Variants in VPS8 observed in about 807,000 individuals in gnomAD.
The protein encoded by VPS8 is VPS8 subunit of CORVET complex, also known as vacuolar protein sorting-associated protein 8 homolog.
In VPS8, 129 loss-of-function variants were observed where a neutral mutation model predicts 216.4. That is an observed-to-expected ratio of 0.60 (90% CI 0.52 to 0.69). The LOEUF is 0.69. Among genes scored for constraint, VPS8 ranks in the 30% least tolerant of loss-of-function variants. The pLI is 0.00. For synonymous variants in VPS8, 571 were observed against 565.4 expected, an observed-to-expected ratio of 1.01 and a Z score of -0.14; for missense variants, 1,531 against 1,683.5, an observed-to-expected ratio of 0.91 and a Z score of 1.59.
intron 45 of VPS8, among the ~76,000 whole-genome samples, chr3:185,009,811 C>G (rs1195754159): frequency 2.0e-5 from 3 of 152,034 alleles, no homozygotes; most frequent in Admixed American, 2.0e-4. Flanking sequence ...CTCTCCGGGT[C>G]AAGGGGACAG....
rs55727843 is a variant in VPS8, at chr3:184,977,884, C to CTT, written c.3421-4667_3421-4666dup. On this transcript the variant is annotated intron_variant, in intron 40 of 47. Transcript: ENST00000625842. ...ATATTAGCCTGATGTTTTCTTTTTT[C>CTT]TTTTTTTTTTTTTTTTATTGTGTCT... Among the ~76,000 whole-genome samples, 479 of 131,264 alleles carry CTT rather than the reference C, an allele frequency of 3.6e-3. 5 individuals are homozygous for CTT. The highest frequency in any genetic ancestry group is 0.011 in the South Asian group (47 of 4,132). 86.1% of individuals were successfully genotyped at this position (131,264 alleles called of 152,430 possible). A position where few individuals can be genotyped will look rare whatever the true frequency, so the allele number is the denominator to read the frequency against.
In VPS8 at chr3:185,038,955, C is replaced by T. The variant is rs547669661; in HGVS notation, c.4057-9524C>T. Among the ~76,000 whole-genome samples, 26 of 152,302 alleles carry T rather than the reference C, an allele frequency of 1.7e-4. No homozygotes were observed. In the South Asian group the frequency reaches 5.2e-3, roughly 30 times the overall value. On this transcript the variant is annotated intron_variant, in intron 46 of 47. Coordinates refer to ENST00000625842, the MANE Select transcript of VPS8 (RefSeq NM_001009921.3). ...AGAGGCTTCCAGAAGAAGGGAACCCCCATTACCTCTTGACTGCGCTCAGCT... is the reference window on the plus strand; with the variant it reads ...AGAGGCTTCCAGAAGAAGGGAACCCTCATTACCTCTTGACTGCGCTCAGCT...
intron 3 of VPS8, among the ~76,000 whole-genome samples, chr3:184,828,100 G>T (rs1719190017): frequency 6.6e-6 from 1 of 152,072 alleles, no homozygotes; most frequent in Admixed American, 6.6e-5. Context: ...CCTTAAAGGA[G>T]ACTGGGAAGA....
intron 40 of VPS8, among the ~76,000 whole-genome samples, chr3:184,977,616 T>G (rs1374430079): frequency 6.6e-6 from 1 of 152,094 alleles, no homozygotes; most frequent in Non-Finnish European, 1.5e-5. Context: ...CCATCTTAAG[T>G]TGATCTTTGT....
intron 42 of VPS8, among the ~76,000 whole-genome samples, chr3:184,988,297 G>T (rs957799274): frequency 6.6e-6 from 1 of 152,038 alleles, no homozygotes; most frequent in Non-Finnish European, 1.5e-5. Flanking sequence ...TTGTATTTTT[G>T]CATTTTACAC....
In VPS8 at chr3:185,052,231, C is replaced by T. The variant is rs1714409433; in HGVS notation, c.*206C>T. Reference sequence around the variant, plus strand: ...CCACATTGCTGTCATGGCGTCAGTTCACCAGACTCATTGATTTTGTTTTGC... The same window carrying T: ...CCACATTGCTGTCATGGCGTCAGTTTACCAGACTCATTGATTTTGTTTTGC... On this transcript the variant is annotated 3_prime_UTR_variant, in exon 48 of 48. Coordinates refer to ENST00000625842, the MANE Select transcript of VPS8 (RefSeq NM_001009921.3). 2.1e-6 allele frequency: 1 copy of T among 486,198 alleles called. No homozygotes were observed. The allele number at this position is 486,198 out of a possible 1,614,324, so 30.1% of individuals were successfully genotyped here. A position where few individuals can be genotyped will look rare whatever the true frequency, so the allele number is the denominator to read the frequency against.
At chr3:185,034,796 A>G (rs1016083623) in intron 46 of VPS8, among the ~76,000 whole-genome samples, 6 of 152,124 alleles carry the variant, frequency 3.9e-5, no homozygotes, top group Admixed American at 2.0e-4. Flanking sequence ...CCAAGGGTCA[A>G]TGAATGAAAC....
At chr3:184,915,262 G>T (rs1005805054) in intron 27 of VPS8, 93 bp from the exon 28 acceptor site, 5 of 1,476,998 alleles carry the variant, frequency 3.4e-6, no homozygotes, top group Admixed American at 4.6e-5. Context: ...ACTGAATTCA[G>T]CCTGCCTTTA....
chr3:184,980,604 A>G (rs527333628), intron 40 of VPS8, among the ~76,000 whole-genome samples: 2 of 151,752 alleles, frequency 1.3e-5, no homozygotes, highest in South Asian at 4.2e-4. Context: ...AGCTTGATCT[A>G]CTCTGCTGTT....
At position 184,909,918 on chromosome 3, in the gene VPS8, G is replaced by A. The variant is rs148974228; in HGVS notation, c.2147-3601G>A. On this transcript the variant is annotated intron_variant, in intron 25 of 47. Transcript: ENST00000625842. ...CAGGTATTTTTCACCACTGAGTATC[G>A]TCTTCCATTGTTTTATCAGATAATT... Among the ~76,000 whole-genome samples the A allele has an allele frequency of 6.3e-4, 95 of 151,910 alleles. 1 individual carries two copies. The East Asian group carries it at 0.017, about 27-fold the overall frequency.
At chr3:184,976,553 G>A (rs2109691541) in intron 40 of VPS8, among the ~76,000 whole-genome samples, 1 of 152,138 alleles carries the variant, frequency 6.6e-6, no homozygotes, top group African/African-American at 2.4e-5. Flanking sequence ...GAGTATGAAT[G>A]AATAATCTGT....
intron 43 of VPS8, among the ~76,000 whole-genome samples, chr3:184,994,684 A>C (rs936649759): frequency 2.0e-5 from 3 of 152,246 alleles, no homozygotes; most frequent in African/African-American, 7.2e-5. Flanking sequence ...CATGAAAAGG[A>C]AGGATCAACA....
chr3:184,964,137 T>A (rs1273911704), intron 37 of VPS8, among the ~76,000 whole-genome samples: 1 of 152,156 alleles, frequency 6.6e-6, no homozygotes, highest in Non-Finnish European at 1.5e-5. Flanking sequence ...TTCAATTTTT[T>A]AATAATTATA....
chr3:184,868,763 T>C (rs1184850361), intron 18 of VPS8, among the ~76,000 whole-genome samples, 183 bp from the exon 19 acceptor site: 1 of 152,220 alleles, frequency 6.6e-6, no homozygotes. Context: ...CTAGCATATA[T>C]AGTCATTATA....
intron 46 of VPS8, among the ~76,000 whole-genome samples, chr3:185,031,766 A>G (rs1321509037): frequency 6.6e-6 from 1 of 152,206 alleles, no homozygotes; most frequent in East Asian, 1.9e-4. Context: ...TTGGTCGGTG[A>G]CAGAATATCT....
intron 39 of VPS8, among the ~76,000 whole-genome samples, chr3:184,969,626 C>T (rs182343324): frequency 3.6e-4 from 53 of 148,566 alleles, no homozygotes; most frequent in Admixed American, 2.3e-3. Context: ...GATGGGGTTT[C>T]ACCATGTTGG....
intron 45 of VPS8, among the ~76,000 whole-genome samples, chr3:185,000,989 A>G (rs77384253): frequency 0.022 from 3,404 of 152,236 alleles, 128 homozygotes; most frequent in African/African-American, 0.079. Flanking sequence ...CCAGATAACA[A>G]TGTAGAACTT....
At chr3:185,036,298 A>G (rs188710519) in intron 46 of VPS8, among the ~76,000 whole-genome samples, 2 of 152,328 alleles carry the variant, frequency 1.3e-5, no homozygotes, top group East Asian at 3.9e-4. Context: ...GACCATGAAT[A>G]GCCACAGCAA....
chr3:185,006,028 T>C (rs1179184322), intron 45 of VPS8, among the ~76,000 whole-genome samples: 1 of 152,210 alleles, frequency 6.6e-6, no homozygotes, highest in Non-Finnish European at 1.5e-5. Flanking sequence ...AGTTTGTTTC[T>C]GGGGCTATCC....
Sources: allele counts gnomAD v4.1 joint callset (sites outside exome capture counted in the v4.1 genomes callset), GRCh38; gene constraint gnomAD v4.1.1; transcripts MANE v1.5; gene names NCBI Gene and HGNC (gene_info 2026-07-23, HGNC 2026-07-21).